Variants in TRHDE observed in about 807,000 individuals in gnomAD.
TRHDE encodes the protein thyrotropin-releasing hormone-degrading ectoenzyme.
A neutral mutation model predicts 125.7 loss-of-function variants in TRHDE; 72 were observed. That is an observed-to-expected ratio of 0.57 (90% CI 0.47 to 0.70). TRHDE has a LOEUF of 0.70. Among genes scored for constraint, TRHDE ranks in the 30% least tolerant of loss-of-function variants. The pLI is 0.00. For synonymous variants in TRHDE, 509 were observed against 509.1 expected, an observed-to-expected ratio of 1.00 and a Z score of 0.00; for missense variants, 1,110 against 1,327.1, an observed-to-expected ratio of 0.84 and a Z score of 2.54.
At chr12:72,361,467 AT>A (rs1165988166) in intron 2 of TRHDE, among the ~76,000 whole-genome samples, 2 of 151,934 alleles carry the variant, frequency 1.3e-5, no homozygotes, top group Non-Finnish European at 2.9e-5. Flanking sequence ...ATGTGAAAAA[AT>A]ATCAACATTA....
intron 3 of TRHDE, among the ~76,000 whole-genome samples, chr12:72,421,389 A>G (rs1393570489): frequency 6.6e-6 from 1 of 152,148 alleles, no homozygotes; most frequent in Non-Finnish European, 1.5e-5. Flanking sequence ...GTGGCTGATG[A>G]TATGAATAGG....
At chr12:72,112,499 G>A (rs891799022) in intron 2 of TRHDE, among the ~76,000 whole-genome samples, 1 of 152,140 alleles carries the variant, frequency 6.6e-6, no homozygotes, top group Non-Finnish European at 1.5e-5. Context: ...AGTAAATAGT[G>A]TAGTACAGGG....
In TRHDE at chr12:72,663,150, C is replaced by T; in HGVS notation, c.3165C>T (p.Tyr1055=). The change falls in exon 19 of 19, where the codon TAC becomes TAT. Residue 1055 remains tyrosine, a synonymous_variant. Coordinates refer to ENST00000261180, the MANE Select transcript of TRHDE (RefSeq NM_013381.3). ...CCAATGTGCGCTGGAAAATGCTTTA[C>T]CAAGACGAGCTTTTCCAATGGTTAG... The part of the protein sequence containing the change: ...VEANVRWKML[Y]QDELFQWLGK... 1 of 1,612,894 alleles carries T rather than the reference C, an allele frequency of 6.2e-7. No homozygotes were observed. Among genetic ancestry groups the T allele is most frequent in the Non-Finnish European group, 8.5e-7 (1 of 1,179,388 alleles).
intron 1 of TRHDE, among the ~76,000 whole-genome samples, chr12:72,088,291 G>A (rs757151015): frequency 1.3e-5 from 2 of 152,056 alleles, no homozygotes; most frequent in Non-Finnish European, 2.9e-5. Flanking sequence ...AGTTATAGGA[G>A]AATCTAATGT....
At chr12:72,426,425 A>G (rs1012806287) in intron 3 of TRHDE, among the ~76,000 whole-genome samples, 6 of 152,176 alleles carry the variant, frequency 3.9e-5, no homozygotes, top group African/African-American at 1.4e-4. Flanking sequence ...ACAACTGAAG[A>G]TTTAAAAAAT....
At chr12:72,339,352 C>T (rs532504421) in intron 2 of TRHDE, among the ~76,000 whole-genome samples, 9 of 152,246 alleles carry the variant, frequency 5.9e-5, no homozygotes, top group South Asian at 2.1e-4. Context: ...GTTATCTCAA[C>T]GAATGAAGTA....
intron 2 of TRHDE, among the ~76,000 whole-genome samples, chr12:72,187,310 A>AACAC (rs59164233): frequency 0.12 from 15,380 of 131,176 alleles, 1,000 homozygotes; most frequent in Non-Finnish European, 0.15. Flanking sequence ...AGAGAAACAC[A>AACAC]ACACACACAC....
At chr12:72,253,403 T>C (rs1878731967) in intron 2 of TRHDE, 1 of 152,428 alleles carries the variant, frequency 6.6e-6, no homozygotes, top group Admixed American at 6.5e-5. Context: ...GGCTAGAACT[T>C]GTAGTGCTGT....
intron 2 of TRHDE, among the ~76,000 whole-genome samples, chr12:72,330,112 T>C (rs1740610372): frequency 6.6e-6 from 1 of 152,258 alleles, no homozygotes; most frequent in East Asian, 1.9e-4. Flanking sequence ...GCTTGCTAAC[T>C]TAAAGATAAA....
At chr12:72,200,981 A>C (rs1016038427) in intron 2 of TRHDE, among the ~76,000 whole-genome samples, 1 of 152,188 alleles carries the variant, frequency 6.6e-6, no homozygotes, top group African/African-American at 2.4e-5. Context: ...ACAGTGATAC[A>C]GGAAGATTTC....
intron 2 of TRHDE, among the ~76,000 whole-genome samples, chr12:72,156,710 A>T (rs980645294): frequency 1.2e-4 from 18 of 152,152 alleles, no homozygotes; most frequent in African/African-American, 4.3e-4. Flanking sequence ...CTATTTGAGG[A>T]ATTTAAGTGT....
At chr12:72,325,033 G>A (rs773937855) in intron 2 of TRHDE, among the ~76,000 whole-genome samples, 33 of 151,936 alleles carry the variant, frequency 2.2e-4, no homozygotes, top group Non-Finnish European at 2.5e-4. Context: ...TGTTCCTCTT[G>A]GGGATACCAA....
At chr12:72,300,815 A>AG (rs1446311424) in intron 2 of TRHDE, among the ~76,000 whole-genome samples, 2 of 152,136 alleles carry the variant, frequency 1.3e-5, no homozygotes, top group Non-Finnish European at 2.9e-5. Flanking sequence ...GAAGAAAAAA[A>AG]TCAATAGGTT....
At chr12:72,362,474 G>A (rs1362822553) in intron 2 of TRHDE, among the ~76,000 whole-genome samples, 2 of 152,066 alleles carry the variant, frequency 1.3e-5, no homozygotes, top group Admixed American at 6.6e-5. Context: ...CCCTTTGTCA[G>A]ATGAGTAGGT....
At chr12:72,158,172 T>C (rs11179093) in intron 2 of TRHDE, among the ~76,000 whole-genome samples, 9 of 152,068 alleles carry the variant, frequency 5.9e-5, no homozygotes, top group Admixed American at 5.9e-4. Context: ...GTGAGAAAAT[T>C]GCAAGAGGAT....
intron 2 of TRHDE, chr12:72,186,319 A>C (rs145252314): frequency 0.017 from 2,639 of 159,772 alleles, 39 homozygotes; most frequent in Middle Eastern, 0.035. Context: ...GAAGGTCTGC[A>C]GCTTCACTCC....
intron 2 of TRHDE, among the ~76,000 whole-genome samples, chr12:72,348,293 A>C (rs1365206477): frequency 6.6e-6 from 1 of 151,808 alleles, no homozygotes; most frequent in Non-Finnish European, 1.5e-5. Context: ...TAATCCCATT[A>C]AAGCAATAGA....
At chr12:72,558,543 AT>A (rs1222105648) in intron 7 of TRHDE, among the ~76,000 whole-genome samples, 1 of 152,204 alleles carries the variant, frequency 6.6e-6, no homozygotes, top group Non-Finnish European at 1.5e-5. Context: ...TTTGGACTAT[AT>A]TCTGAACATA....
At chr12:72,393,814 A>G (rs1024344828) in intron 3 of TRHDE, among the ~76,000 whole-genome samples, 2 of 152,228 alleles carry the variant, frequency 1.3e-5, no homozygotes, top group Non-Finnish European at 2.9e-5. Context: ...TGTTACAAGT[A>G]TCATAAAGAT....
Sources: allele counts gnomAD v4.1 joint callset (sites outside exome capture counted in the v4.1 genomes callset), GRCh38; gene constraint gnomAD v4.1.1; transcripts MANE v1.5; gene names NCBI Gene and HGNC (gene_info 2026-07-23, HGNC 2026-07-21).